Variants in TEX15 observed in about 807,000 individuals in gnomAD.
TEX15 encodes the protein testis expressed 15, meiosis and synapsis associated, also known as testis-expressed protein 15.
TEX15 carries 171 observed loss-of-function variants against 237.3 expected under a neutral mutation model. The ratio of observed to expected loss-of-function variants is 0.72; its 90% CI spans 0.64 to 0.82. The LOEUF is 0.82. TEX15 is among the 40% of genes least tolerant of loss of function. TEX15 has a pLI of 0.00. For missense variants in TEX15, 3,750 were observed against 3,646.5 expected (o/e 1.03, Z -0.73); for synonymous variants, 1,338 against 1,269.8 (o/e 1.05, Z -1.14).
At chr8:30,904,074 A>T (rs1312683294) in intron 1 of TEX15, among the ~76,000 whole-genome samples, 1 of 152,202 alleles carries the variant, frequency 6.6e-6, no homozygotes, top group Non-Finnish European at 1.5e-5. Flanking sequence ...ACAAAGAAAT[A>T]ATCAGATGAT....
intron 7 of TEX15, among the ~76,000 whole-genome samples, chr8:30,856,602 T>C (rs1807918861): frequency 6.6e-6 from 1 of 152,068 alleles, no homozygotes. Context: ...GTGGTGATGA[T>C]TGCACATATT....
intron 10 of TEX15, among the ~76,000 whole-genome samples, chr8:30,835,132 G>A (rs1807262616): frequency 6.6e-6 from 1 of 151,786 alleles, no homozygotes; most frequent in African/African-American, 2.4e-5. Flanking sequence ...TTTGGGACTG[G>A]GTCTTCCTGT....
intron 3 of TEX15, among the ~76,000 whole-genome samples, chr8:30,884,502 T>C (rs1034764283): frequency 6.6e-6 from 1 of 152,238 alleles, no homozygotes; most frequent in Admixed American, 6.5e-5. Flanking sequence ...TTGATTCAAT[T>C]TGTTTAATAG....
intron 4 of TEX15, 35 bp from the exon 5 acceptor site, chr8:30,867,537 T>C (rs1563258293): frequency 7.7e-7 from 1 of 1,294,466 alleles, no homozygotes; most frequent in Non-Finnish European, 1.1e-6. Flanking sequence ...CAGTTAAAGA[T>C]AAATATCAAC....
chr8:30,849,696 T>A (rs1807729649), intron 7 of TEX15, among the ~76,000 whole-genome samples: 1 of 151,610 alleles, frequency 6.6e-6, no homozygotes, highest in South Asian at 2.1e-4. Flanking sequence ...AGGTCAGGAG[T>A]TCGAGACCAG....
At chr8:30,873,876 C>T (rs1808347659) in intron 4 of TEX15, among the ~76,000 whole-genome samples, 1 of 152,132 alleles carries the variant, frequency 6.6e-6, no homozygotes. Flanking sequence ...AAATCCTATA[C>T]ATGTTGGTCA....
At chr8:30,864,506 T>C (rs1585296429) in intron 5 of TEX15, among the ~76,000 whole-genome samples, 1 of 148,982 alleles carries the variant, frequency 6.7e-6, no homozygotes, top group African/African-American at 2.5e-5. Flanking sequence ...TGAAGCTATG[T>C]CCTCAGGGAA....
At chr8:30,861,571 T>C (rs1808051417) in intron 5 of TEX15, among the ~76,000 whole-genome samples, 1 of 152,160 alleles carries the variant, frequency 6.6e-6, no homozygotes, top group Non-Finnish European at 1.5e-5. Context: ...GTCTGTAATG[T>C]AGTTAATGGT....
intron 4 of TEX15, among the ~76,000 whole-genome samples, chr8:30,867,873 G>A (rs1808206892): frequency 1.3e-5 from 2 of 152,010 alleles, no homozygotes; most frequent in South Asian, 4.1e-4. Flanking sequence ...AGGAAAATGA[G>A]GTTCAGAAAG....
chr8:30,836,002 T>C (rs150914100), intron 10 of TEX15, among the ~76,000 whole-genome samples: 1 of 152,312 alleles, frequency 6.6e-6, no homozygotes, highest in African/African-American at 2.4e-5. Context: ...TGTTTCACAG[T>C]AGATAATCTA....
At chr8:30,886,245 AG>A (rs1363648414) in intron 3 of TEX15, among the ~76,000 whole-genome samples, 1 of 152,228 alleles carries the variant, frequency 6.6e-6, no homozygotes, top group Non-Finnish European at 1.5e-5. Context: ...TGGCAGGGAA[AG>A]GGGAGCACTG....
At chr8:30,910,610 CTTTTTTTTTTTTTT>C (rs796129316) in intron 1 of TEX15, among the ~76,000 whole-genome samples, 4 of 97,910 alleles carry the variant, frequency 4.1e-5, no homozygotes, top group African/African-American at 1.9e-4. Flanking sequence ...CACGCCTGGC[CTTTTTTTTTTTTTT>C]TTTTTTTTTG....
intron 3 of TEX15, among the ~76,000 whole-genome samples, chr8:30,878,446 C>T (rs918995856): frequency 3.9e-5 from 6 of 152,142 alleles, no homozygotes; most frequent in African/African-American, 7.2e-5. Flanking sequence ...TGCAATGGCG[C>T]GATCTCGGCT....
At chr8:30,900,380 T>C (rs1294861656) in intron 1 of TEX15, among the ~76,000 whole-genome samples, 1 of 152,244 alleles carries the variant, frequency 6.6e-6, no homozygotes, top group Non-Finnish European at 1.5e-5. Context: ...GTGATAGTGA[T>C]GATCCATCTC....
At position 30,843,655 on chromosome 8, in the gene TEX15, C is replaced by G; in HGVS notation, c.6512G>C (p.Arg2171Pro). 2 of 1,612,182 alleles carry G rather than the reference C, an allele frequency of 1.2e-6. No homozygotes were observed. Among genetic ancestry groups the G allele is most frequent in the Non-Finnish European group, 1.7e-6 (2 of 1,179,520 alleles). ...NSYYVFLKYK[R>P]QVNECEAIME... ...TATGGCTTCACATTCATTAACCTGTCGTTTGTACTTTAAGAATACATAGTA... is the reference window on the plus strand; with the variant it reads ...TATGGCTTCACATTCATTAACCTGTGGTTTGTACTTTAAGAATACATAGTA... Residue 2171 changes from arginine (R) to proline (P), a missense_variant, in exon 8 of 11, where the codon CGA (arginine) becomes CCA (proline). Coordinates refer to ENST00000643185, the MANE Select transcript of TEX15 (RefSeq NM_001350162.2).
chr8:30,838,630 G>A (rs1554488865), intron 9 of TEX15, among the ~76,000 whole-genome samples: 1 of 151,276 alleles, frequency 6.6e-6, no homozygotes, highest in Non-Finnish European at 1.5e-5. Flanking sequence ...GCAGCTGAGA[G>A]AAGCATCCAA....
rs779449393 is a variant in TEX15 at position 30,845,826 on chromosome 8, C to A, written c.4341G>T (p.Ser1447=). 50 of 1,606,728 alleles carry A rather than the reference C, an allele frequency of 3.1e-5. No homozygotes were observed. Among genetic ancestry groups the A allele is most frequent in the Non-Finnish European group, 4.0e-5 (47 of 1,178,130 alleles). ...TCCGTTTGTCATATTTTCTTTTTGA[C>A]GAAAAATGCTTAGTAGAATAATATT... is the stretch of plus-strand genomic sequence containing the variant. ...QRKYYSTKHF[S]SKRKYDKRRK... is the part of the protein sequence containing the mutation. Residue 1447 remains serine (S), a synonymous_variant, in exon 8 of 11, where the codon TCG becomes TCT. Coordinates refer to ENST00000643185, the MANE Select transcript of TEX15 (RefSeq NM_001350162.2).
chr8:30,842,016 A>C lies in TEX15; in HGVS notation c.8151T>G (p.Cys2717Trp). ...AAAACATACATACCTTTAGCTTTTT[A>C]CAACTGGAAACAGTAGTATCTTGCT... ...EQQQDTTVSS[C>W]KKLKVDMKDV... The change falls in exon 8 of 11, where the codon TGT (cysteine) becomes TGG (tryptophan). Residue 2717 changes from cysteine to tryptophan, a missense_variant. Cys to Trp is a radical substitution (Grantham distance 215, BLOSUM62 -2). Transcript: ENST00000643185. The C allele has an allele frequency of 6.3e-7, 1 of 1,576,276 alleles. No homozygotes were observed. Among genetic ancestry groups the C allele is most frequent in the Non-Finnish European group, 8.6e-7 (1 of 1,166,810 alleles).
In TEX15 at chr8:30,847,661, C is replaced by A; in HGVS notation, c.2506G>T (p.Asp836Tyr). The change falls in exon 8 of 11, where the codon GAT (aspartate) becomes TAT (tyrosine). Residue 836 changes from aspartate to tyrosine, a missense_variant. Coordinates refer to ENST00000643185, the MANE Select transcript of TEX15 (RefSeq NM_001350162.2). ...TGTGAATTACAGAACAGATTGTGAT[C>A]CTGACCCCTATCTTCAACATAAGCA... Reference protein sequence around the residue: ...ETAYVEDRGQDHNLFCNSQLS... With the variant: ...ETAYVEDRGQYHNLFCNSQLS... The A allele has an allele frequency of 6.2e-7, 1 of 1,613,790 alleles. No individual in the cohort carries two copies. Among genetic ancestry groups the A allele is most frequent in the African/African-American group, 1.3e-5 (1 of 75,036 alleles).
Sources: allele counts gnomAD v4.1 joint callset (sites outside exome capture counted in the v4.1 genomes callset), GRCh38; gene constraint gnomAD v4.1.1; transcripts MANE v1.5; gene names NCBI Gene and HGNC (gene_info 2026-07-23, HGNC 2026-07-21).